The following CUX1 variants were observed in gnomAD, a reference collection of about 807,000 sequenced individuals.
CUX1 encodes cut like homeobox 1.
Under a neutral mutation model 158.8 loss-of-function variants are expected in CUX1, and 31 were observed. That is an observed-to-expected ratio of 0.20 (90% confidence interval 0.15 to 0.26). CUX1 has a LOEUF of 0.26. Ranked by LOEUF, CUX1 falls within the 10% of genes least tolerant of loss-of-function variation. The probability of loss-of-function intolerance (pLI) is 1.00; values close to 1 mark genes in which losing one functional copy is unlikely to be tolerated. For missense variants in CUX1, 1,589 were observed against 2,014.6 expected (o/e 0.79, Z 4.04); for synonymous variants, 879 against 862.1 (o/e 1.02, Z -0.34).
At chr7:101,893,574 G>T (rs1312007929) in intron 1 of CUX1, among the ~76,000 whole-genome samples, 1 of 152,124 alleles carries the variant, frequency 6.6e-6, no homozygotes, top group African/African-American at 2.4e-5. Context: ...TCCCTTTTGG[G>T]CCAAGTTTGC....
At chr7:101,849,259 C>G (rs1305473679) in intron 1 of CUX1, among the ~76,000 whole-genome samples, 2 of 151,754 alleles carry the variant, frequency 1.3e-5, no homozygotes. Context: ...CGTCATCACC[C>G]AGGTATTAAG....
chr7:102,248,806 C>G lies in CUX1; in HGVS notation c.4282C>G (p.Pro1428Ala). 1.2e-5 allele frequency: 13 copies of G among 1,106,604 alleles called. No homozygotes were observed. Among genetic ancestry groups the G allele is most frequent in the Non-Finnish European group, 1.4e-5 (13 of 906,596 alleles). 68.5% of individuals were successfully genotyped at this position (1,106,604 alleles called of 1,614,324 possible). A position where few individuals can be genotyped will look rare whatever the true frequency, so the allele number is the denominator to read the frequency against. The part of the protein sequence containing the change: ...EDAATSAAAA[P>A]GEGPAAPSSA... ...CGCCGCTACCTCAGCCGCCGCCGCG[C>G]CGGGGGAGGGCCCCGCGGCCCCGAG... is the stretch of plus-strand genomic sequence containing the variant. The change falls in exon 24 of 24, where the codon CCG (proline) becomes GCG (alanine). Residue 1428 changes from proline to alanine, a missense_variant. This residue lies in a region of CUX1 where 344 missense variants were observed against 323.7 expected (regional missense o/e 1.06). Coordinates refer to ENST00000292535, the MANE Select transcript of CUX1 (RefSeq NM_181552.4). This position sits in a 1 kb window ranked among gnomAD's most constrained non-coding sequence, Gnocchi z 5.8.
Position 102,197,195 on chromosome 7 carries a change from C to A in CUX1, c.1784C>A (p.Pro595Gln). 6.2e-7 allele frequency: 1 copy of A among 1,614,216 alleles called. No homozygotes were observed. Among genetic ancestry groups the A allele is most frequent in the Non-Finnish European group, 8.5e-7 (1 of 1,180,050 alleles). Residue 595 changes from proline (P) to glutamine (Q), a missense_variant, in exon 15 of 24, where the codon CCA becomes CAA. By Grantham distance (76) the Pro-to-Gln change is moderately conservative. Around this residue, in one of 8 missense-constraint regions of CUX1, gnomAD observed 37 missense variants for 124.9 expected, o/e 0.30. Coordinates refer to ENST00000292535, the MANE Select transcript of CUX1 (RefSeq NM_181552.4). ...AGCGAGATTCTGGCCCGGCCCAAGC[C>A]ATGGAATAAACTGACTGTTCGTGGC... is the stretch of plus-strand genomic sequence containing the variant. ...SVSEILARPKPWNKLTVRGKE... is the reference protein window; with the variant it reads ...SVSEILARPKQWNKLTVRGKE...
At chr7:102,159,414 G>A (rs1554506380) in intron 9 of CUX1, among the ~76,000 whole-genome samples, 1 of 152,232 alleles carries the variant, frequency 6.6e-6, no homozygotes, top group Non-Finnish European at 1.5e-5. Context: ...TCAGGCACAG[G>A]ACGCATCTTA....
At chr7:101,940,115 C>T (rs1335707093) in intron 2 of CUX1, among the ~76,000 whole-genome samples, 1 of 150,762 alleles carries the variant, frequency 6.6e-6, no homozygotes, top group African/African-American at 2.4e-5. Flanking sequence ...TGGTGTAAGC[C>T]TGTGGTCCCA....
Position 102,248,446 on chromosome 7 carries a change from A to C in CUX1, c.3922A>C (p.Ile1308Leu), listed in dbSNP as rs1554537748. The C allele has an allele frequency of 1.3e-6, 2 of 1,599,170 alleles. No homozygotes were observed. The highest frequency in any genetic ancestry group is 1.7e-6 in the Non-Finnish European group (2 of 1,176,342). The change falls in exon 24 of 24, where the codon ATT (isoleucine) becomes CTT (leucine). Residue 1308 changes from isoleucine to leucine, a missense_variant. Around this residue, in one of 8 missense-constraint regions of CUX1, gnomAD observed 344 missense variants for 323.7 expected, o/e 1.06. Transcript: ENST00000292535. The surrounding 1 kb of genome is among the most constrained non-coding windows in gnomAD (Gnocchi z 5.8). ...RIRRELFIEE[I>L]QAGSQGQAGA... is the part of the protein sequence containing the mutation. ...CCGCAGAGAACTGTTCATTGAGGAA[A>C]TTCAGGCCGGGAGTCAGGGCCAGGC...
At chr7:102,156,038 A>G (rs146064002) in intron 8 of CUX1, among the ~76,000 whole-genome samples, 1 of 152,338 alleles carries the variant, frequency 6.6e-6, no homozygotes, top group Non-Finnish European at 1.5e-5. Context: ...AACAGATACA[A>G]TGAACATTGA....
intron 2 of CUX1, among the ~76,000 whole-genome samples, chr7:101,936,250 G>A (rs1806917409): frequency 6.6e-6 from 1 of 151,882 alleles, no homozygotes; most frequent in Non-Finnish European, 1.5e-5. Flanking sequence ...GGAGGGAGGA[G>A]GGAGGAGGGC....
intron 2 of CUX1, among the ~76,000 whole-genome samples, chr7:101,990,773 T>C (rs1350297703): frequency 2.0e-5 from 3 of 152,176 alleles, no homozygotes; most frequent in African/African-American, 4.8e-5. Context: ...TAAATGTCAG[T>C]GCCATGAGCC....
intron 10 of CUX1, among the ~76,000 whole-genome samples, chr7:102,173,459 G>A (rs1207290921): frequency 6.6e-6 from 1 of 152,178 alleles, no homozygotes; most frequent in Admixed American, 6.5e-5. Context: ...ATGGACTCTG[G>A]AACTTAATTT....
chr7:101,971,641 T>C (rs986512041), intron 2 of CUX1, among the ~76,000 whole-genome samples: 1 of 152,194 alleles, frequency 6.6e-6, no homozygotes, highest in African/African-American at 2.4e-5. Context: ...GGCAACCAGA[T>C]AAGTCATGTG....
chr7:102,174,684 A>G (rs1373728651), intron 10 of CUX1, among the ~76,000 whole-genome samples: 4 of 152,218 alleles, frequency 2.6e-5, no homozygotes, highest in Admixed American at 6.5e-5. Flanking sequence ...AGTGGCTCAC[A>G]CCCATAATCC....
chr7:102,165,975 G>A (rs1182597237), intron 9 of CUX1, among the ~76,000 whole-genome samples: 4 of 152,170 alleles, frequency 2.6e-5, no homozygotes, highest in Non-Finnish European at 4.4e-5. Flanking sequence ...CTACCTCCCA[G>A]GTGACTGCTG....
intron 2 of CUX1, among the ~76,000 whole-genome samples, chr7:101,998,600 G>A (rs1037706318): frequency 5.3e-5 from 8 of 152,194 alleles, no homozygotes; most frequent in South Asian, 2.1e-4. Context: ...GGGCGATAGC[G>A]TTTGAGGAAG....
Position 102,255,215 on chromosome 7 carries a change from CCCACCA to C in CUX1, c.*6179_*6184del. 1 of 985,484 alleles carries C rather than the reference CCCACCA, an allele frequency of 1.0e-6. No individual in the cohort carries two copies. The highest frequency in any genetic ancestry group is 1.2e-6 in the Non-Finnish European group (1 of 829,970). The allele number at this position is 985,484 out of a possible 1,614,324, so 61.0% of individuals were successfully genotyped here. ...ACTGCCTCCTCCTGCCCAGGCCTCT[CCCACCA>C]CCACCTTCCCTCCAAAGATAACCGT... On this transcript the variant is annotated 3_prime_UTR_variant, in exon 24 of 24. Coordinates refer to ENST00000292535, the MANE Select transcript of CUX1 (RefSeq NM_181552.4).
chr7:102,157,042 G>T (rs1026554247), intron 8 of CUX1, among the ~76,000 whole-genome samples: 3 of 152,214 alleles, frequency 2.0e-5, no homozygotes, highest in African/African-American at 7.2e-5. Flanking sequence ...CATTCAGGCA[G>T]GCGGCGCAGG....
At chr7:101,912,094 A>G (rs1299708052) in intron 1 of CUX1, among the ~76,000 whole-genome samples, 1 of 151,970 alleles carries the variant, frequency 6.6e-6, no homozygotes, top group African/African-American at 2.4e-5. Context: ...TTCTAGCTGG[A>G]GAGGAGTTCT....
chr7:102,159,471 A>G (rs1159742521), intron 9 of CUX1, among the ~76,000 whole-genome samples: 1 of 152,216 alleles, frequency 6.6e-6, no homozygotes, highest in African/African-American at 2.4e-5. Context: ...GCTTCCTGGA[A>G]AATTCAGCCA....
chr7:101,982,769 C>T (rs1440400114), intron 2 of CUX1, among the ~76,000 whole-genome samples: 1 of 151,692 alleles, frequency 6.6e-6, no homozygotes, highest in Non-Finnish European at 1.5e-5. Flanking sequence ...ATGTGCACAA[C>T]GTGCAGGTTT....
Sources: allele counts gnomAD v4.1 joint callset (sites outside exome capture counted in the v4.1 genomes callset), GRCh38; gene constraint gnomAD v4.1.1; regional missense constraint gnomAD v4.1.1; non-coding constraint Gnocchi (gnomAD v3.1); transcripts MANE v1.5; gene names NCBI Gene and HGNC (gene_info 2026-07-23, HGNC 2026-07-21).